The following COL4A5 variants were observed in gnomAD, a reference collection of about 807,000 sequenced individuals.
The protein encoded by COL4A5 is collagen alpha-5(IV) chain.
In COL4A5, 26 loss-of-function variants were observed where a neutral mutation model predicts 130.2. The ratio of observed to expected loss-of-function variants is 0.20; its 90% CI spans 0.15 to 0.28. COL4A5 has a LOEUF of 0.28. COL4A5 is among the 10% of genes least tolerant of loss of function. The pLI is 1.00. For missense variants in COL4A5, 1,131 were observed against 1,344.3 expected, an observed-to-expected ratio of 0.84 and a Z score of 2.48; for synonymous variants, 496 against 439.6, an observed-to-expected ratio of 1.13 and a Z score of -1.60.
chrX:108,453,679 C>T (rs1311061342), intron 1 of COL4A5, among the ~76,000 whole-genome samples: 1 of 111,457 alleles, frequency 9.0e-6, no homozygotes, highest in Non-Finnish European at 1.9e-5. Context: ...AGGCCAACTC[C>T]ATCTTTTACA....
intron 1 of COL4A5, chrX:108,442,845 A>G (rs779922550): frequency 8.9e-6 from 1 of 111,832 alleles, no homozygotes; most frequent in Non-Finnish European, 1.9e-5. Context: ...TTTAATCTTC[A>G]GAACAGACTT....
intron 1 of COL4A5, among the ~76,000 whole-genome samples, chrX:108,521,017 T>C (rs1471242196): frequency 8.9e-6 from 1 of 111,999 alleles, no homozygotes; most frequent in Admixed American, 9.5e-5. Context: ...ATACACATTT[T>C]GCTAAGCCAT....
intron 49 of COL4A5, among the ~76,000 whole-genome samples, chrX:108,688,448 T>A (rs1473991285): frequency 9.1e-6 from 1 of 109,990 alleles, no homozygotes; most frequent in Non-Finnish European, 1.9e-5. Context: ...TGTTGTTTTT[T>A]TTTTTGATAC....
chrX:108,617,445 C>A (rs886434435), intron 30 of COL4A5, among the ~76,000 whole-genome samples: 1 of 111,494 alleles, frequency 9.0e-6, no homozygotes, highest in South Asian at 3.7e-4. Context: ...CCTTTGAACT[C>A]CAGTTTTCTA....
chrX:108,662,828 T>G (rs1198304079), intron 37 of COL4A5, among the ~76,000 whole-genome samples: 1 of 112,186 alleles, frequency 8.9e-6, no homozygotes, highest in South Asian at 3.7e-4. Context: ...AAGCTACCAC[T>G]GACTTTCTTC....
intron 1 of COL4A5, among the ~76,000 whole-genome samples, chrX:108,450,226 T>A (rs2064494488): frequency 8.9e-6 from 1 of 112,040 alleles, no homozygotes; most frequent in Non-Finnish European, 1.9e-5. Flanking sequence ...ATTGTTTGAG[T>A]TACGAGCTGA....
intron 36 of COL4A5, among the ~76,000 whole-genome samples, chrX:108,644,398 T>C (rs1332974588): frequency 1.8e-5 from 2 of 111,803 alleles, no homozygotes; most frequent in East Asian, 5.6e-4. Context: ...TTAACAGATA[T>C]ATACAGAACA....
chrX:108,586,891 A>G (rs938339374), intron 19 of COL4A5, 144 bp downstream of exon 19: 6 of 612,534 alleles, frequency 9.8e-6, no homozygotes, highest in South Asian at 5.5e-5. Context: ...AACTCTTACT[A>G]TACCTTCTCT....
At chrX:108,629,525 A>T (rs2067213687) in intron 36 of COL4A5, among the ~76,000 whole-genome samples, 1 of 111,322 alleles carries the variant, frequency 9.0e-6, no homozygotes, top group Non-Finnish European at 1.9e-5. Flanking sequence ...ATGGAATATG[A>T]GAGAGAGGAA....
In COL4A5 at chrX:108,634,737, T is replaced by C. The variant is rs189649677; in HGVS notation, c.3246+8388T>C. ...ACTATTTTTTATTTCTTTATACATG[T>C]GTATCTGACATTAAAACATATTTTA... On this transcript the variant is annotated intron_variant, in intron 36 of 52. Transcript: ENST00000328300. Among the ~76,000 whole-genome samples, 826 of 111,833 alleles carry C rather than the reference T, an allele frequency of 7.4e-3. 4 individuals carry two copies. The highest frequency in any genetic ancestry group is 0.026 in the African/African-American group (791 of 30,895).
intron 24 of COL4A5, among the ~76,000 whole-genome samples, 155 bp from the exon 25 acceptor site, chrX:108,598,547 G>A (rs1350351591): frequency 8.9e-6 from 1 of 112,164 alleles, no homozygotes; most frequent in Non-Finnish European, 1.9e-5. Context: ...TGAGTAAGTG[G>A]AATGATCACA....
chrX:108,582,107 G>A (rs762430290), intron 16 of COL4A5, among the ~76,000 whole-genome samples: 6 of 111,107 alleles, frequency 5.4e-5, no homozygotes, highest in Admixed American at 4.8e-4. Context: ...AACAAGACAG[G>A]TTAGAATTAC....
At chrX:108,637,391 A>G (rs1445044995) in intron 36 of COL4A5, among the ~76,000 whole-genome samples, 1 of 111,875 alleles carries the variant, frequency 8.9e-6, no homozygotes, top group African/African-American at 3.2e-5. Context: ...TTAAAGAACT[A>G]GAAAAAGAAA....
intron 1 of COL4A5, among the ~76,000 whole-genome samples, chrX:108,490,540 T>A (rs2064984320): frequency 8.9e-6 from 1 of 112,405 alleles, no homozygotes; most frequent in Admixed American, 9.4e-5. Context: ...TTTAGAATAA[T>A]GTAGTATAAC....
chrX:108,569,140 A>T, intron 6 of COL4A5: 1 of 175,561 alleles, frequency 5.7e-6, no homozygotes, highest in South Asian at 2.3e-4. Flanking sequence ...TGTTGAAAGT[A>T]ATACTTCTGA....
intron 1 of COL4A5, among the ~76,000 whole-genome samples, chrX:108,475,368 CT>C (rs2064822263): frequency 9.0e-6 from 1 of 111,198 alleles, no homozygotes; most frequent in Middle Eastern, 4.2e-3. Context: ...ATTATGGTGT[CT>C]TTGAAAAGAG....
At chrX:108,537,237 C>T (rs1306517041) in intron 1 of COL4A5, among the ~76,000 whole-genome samples, 2 of 110,649 alleles carry the variant, frequency 1.8e-5, no homozygotes, top group Non-Finnish European at 3.8e-5. Context: ...GGTTGGTGTG[C>T]GTATTACAAT....
chrX:108,560,510 T>C (rs2065884683), intron 3 of COL4A5, among the ~76,000 whole-genome samples: 1 of 112,951 alleles, frequency 8.9e-6, no homozygotes, highest in South Asian at 3.6e-4. Flanking sequence ...CCTTTTCTAA[T>C]TGAGCGATGC....
chrX:108,621,596 G>C (rs1025023375), intron 31 of COL4A5, among the ~76,000 whole-genome samples: 2 of 110,998 alleles, frequency 1.8e-5, no homozygotes, highest in Non-Finnish European at 3.8e-5. Context: ...ATGGTTCACT[G>C]GGGGGCCATC....
Sources: gnomAD v4.1 joint callset for allele counts (sites outside exome capture counted in the v4.1 genomes callset) on GRCh38, gnomAD v4.1.1 for gene constraint, MANE v1.5 for transcripts, NCBI Gene and HGNC (gene_info 2026-07-23, HGNC 2026-07-21) for gene names.